RBM20: variants seen among roughly 807,000 people sequenced by gnomAD.
RBM20 encodes RNA-binding protein 20.
A neutral mutation model predicts 110.1 loss-of-function variants in RBM20; 51 were observed. That is an observed-to-expected ratio of 0.46 (90% CI 0.37 to 0.59). The LOEUF is 0.59. RBM20 is among the 20% of genes least tolerant of loss of function. The pLI, the probability that RBM20 is intolerant of heterozygous loss-of-function variation, is 0.00. For synonymous variants in RBM20, 589 were observed against 618.2 expected, an observed-to-expected ratio of 0.95 and a Z score of 0.70; for missense variants, 1,512 against 1,574.9, an observed-to-expected ratio of 0.96 and a Z score of 0.68.
At chr10:110,734,619 T>TTA (rs1564829249) in intron 1 of RBM20, among the ~76,000 whole-genome samples, 2 of 80,936 alleles carry the variant, frequency 2.5e-5, no homozygotes, top group African/African-American at 6.7e-5. Context: ...AAATTCCCTC[T>TTA]TTTTTTTTTT....
At chr10:110,711,543 G>C (rs1227830439) in intron 1 of RBM20, among the ~76,000 whole-genome samples, 1 of 152,104 alleles carries the variant, frequency 6.6e-6, no homozygotes, top group Non-Finnish European at 1.5e-5. Flanking sequence ...CTGGATAATT[G>C]CAAGTGACTG....
chr10:110,673,551 T>A (rs1216029888), intron 1 of RBM20, among the ~76,000 whole-genome samples: 1 of 152,236 alleles, frequency 6.6e-6, no homozygotes, highest in Non-Finnish European at 1.5e-5. Flanking sequence ...TGTTTACTCC[T>A]GCTAGCTGTG....
At chr10:110,802,464 C>G (rs1844640907) in intron 7 of RBM20, among the ~76,000 whole-genome samples, 1 of 149,982 alleles carries the variant, frequency 6.7e-6, no homozygotes, top group African/African-American at 2.4e-5. Flanking sequence ...TATATCCAAC[C>G]AAAGTTCCTG....
chr10:110,696,300 C>A (rs146232584), intron 1 of RBM20, among the ~76,000 whole-genome samples: 1 of 152,194 alleles, frequency 6.6e-6, no homozygotes, highest in African/African-American at 2.4e-5. Flanking sequence ...ACTTCTTACC[C>A]AGGACTCAGC....
chr10:110,815,820 C>T (rs965933431), intron 9 of RBM20, among the ~76,000 whole-genome samples: 3 of 152,202 alleles, frequency 2.0e-5, no homozygotes, highest in Non-Finnish European at 4.4e-5. Context: ...AATTTCCCCA[C>T]AGTTCTGTCC....
At chr10:110,700,328 A>G (rs1564819275) in intron 1 of RBM20, among the ~76,000 whole-genome samples, 3 of 152,200 alleles carry the variant, frequency 2.0e-5, no homozygotes, top group African/African-American at 7.2e-5. Flanking sequence ...ATAATAGGAT[A>G]CAGAGACCTA....
At chr10:110,756,460 G>C (rs1013284716) in intron 1 of RBM20, 1 of 152,390 alleles carries the variant, frequency 6.6e-6, no homozygotes, top group Admixed American at 6.5e-5. Flanking sequence ...GAGGATGGCT[G>C]TGAAAGTGAT....
chr10:110,760,278 C>T (rs1843978839), intron 1 of RBM20, among the ~76,000 whole-genome samples: 1 of 152,158 alleles, frequency 6.6e-6, no homozygotes, highest in Admixed American at 6.5e-5. Context: ...GTGCATTGCC[C>T]TTACTCTTAG....
intron 1 of RBM20, among the ~76,000 whole-genome samples, chr10:110,740,803 G>T (rs1843717399): frequency 6.6e-6 from 1 of 152,160 alleles, no homozygotes; most frequent in South Asian, 2.1e-4. Flanking sequence ...AGGGGGTGTT[G>T]TCCAGCAGAT....
At position 110,680,878 on chromosome 10, in the gene RBM20, C is replaced by T. The variant is rs531716860; in HGVS notation, c.191+36233C>T. 3.9e-4 allele frequency among the ~76,000 whole-genome samples: 60 copies of T among 152,298 alleles called. No homozygotes were observed. The South Asian group carries it at 0.012, about 31-fold the overall frequency. ...ATTTCCTTCCTGTTTCTCTCGTGTGCTCCCCTCTCCCCACTCATTTCCATT... is the reference window on the plus strand; with the variant it reads ...ATTTCCTTCCTGTTTCTCTCGTGTGTTCCCCTCTCCCCACTCATTTCCATT... On this transcript the variant is annotated intron_variant, in intron 1 of 13. Coordinates refer to ENST00000369519, the MANE Select transcript of RBM20 (RefSeq NM_001134363.3).
At chr10:110,738,472 C>T (rs1843694382) in intron 1 of RBM20, among the ~76,000 whole-genome samples, 1 of 152,184 alleles carries the variant, frequency 6.6e-6, no homozygotes, top group African/African-American at 2.4e-5. Context: ...TTTCTCCCAG[C>T]AAAGTCAGGC....
intron 5 of RBM20, among the ~76,000 whole-genome samples, chr10:110,791,449 C>T (rs573418994): frequency 3.9e-5 from 6 of 152,196 alleles, no homozygotes; most frequent in African/African-American, 9.7e-5. Context: ...CATATTTTTA[C>T]GGCAACTCTA....
chr10:110,703,723 T>C (rs1359234273), intron 1 of RBM20, among the ~76,000 whole-genome samples: 3 of 152,266 alleles, frequency 2.0e-5, no homozygotes, highest in Non-Finnish European at 2.9e-5. Context: ...CTTTGCCTTT[T>C]ACAACCACAT....
chr10:110,810,586 C>A, intron 8 of RBM20, 124 bp downstream of exon 8: 1 of 611,564 alleles, frequency 1.6e-6, no homozygotes. Flanking sequence ...CATCCATCTG[C>A]TTTTCTGGGT....
intron 1 of RBM20, among the ~76,000 whole-genome samples, chr10:110,660,841 A>G (rs1354035026): frequency 6.6e-6 from 1 of 152,192 alleles, no homozygotes. Flanking sequence ...AATCATCCCT[A>G]AACCATCCCT....
At chr10:110,769,829 C>T (rs1033720199) in intron 1 of RBM20, among the ~76,000 whole-genome samples, 39 of 151,902 alleles carry the variant, frequency 2.6e-4, no homozygotes, top group Non-Finnish European at 5.4e-4. Flanking sequence ...AGTGATCGTC[C>T]CACCTGAGCC....
chr10:110,648,020 G>A (rs1426877349), intron 1 of RBM20, among the ~76,000 whole-genome samples: 1 of 152,156 alleles, frequency 6.6e-6, no homozygotes, highest in African/African-American at 2.4e-5. Context: ...TTGATTTGCA[G>A]CAAAATATTC....
chr10:110,796,281 G>A (rs976021855), intron 5 of RBM20, among the ~76,000 whole-genome samples: 1 of 152,142 alleles, frequency 6.6e-6, no homozygotes, highest in African/African-American at 2.4e-5. Flanking sequence ...TATTCTTTAA[G>A]CATTTTTTAT....
Position 110,703,801 on chromosome 10 carries a change from G to A in RBM20, c.191+59156G>A, listed in dbSNP as rs1014685477. ...TGTTCTCCATTTCTAAAATTTTGTCGTTTTTAAAATGTTATATAAATGAAA... is the reference window on the plus strand; with the variant it reads ...TGTTCTCCATTTCTAAAATTTTGTCATTTTTAAAATGTTATATAAATGAAA... On this transcript the variant is annotated intron_variant, in intron 1 of 13. Coordinates refer to ENST00000369519, the MANE Select transcript of RBM20 (RefSeq NM_001134363.3). 2.5e-4 allele frequency among the ~76,000 whole-genome samples: 38 copies of A among 152,248 alleles called. 1 individual carries two copies. The highest frequency in any genetic ancestry group is 2.3e-3 in the Admixed American group (35 of 15,282).
Sources: gnomAD v4.1 joint callset for allele counts (sites outside exome capture counted in the v4.1 genomes callset) on GRCh38, gnomAD v4.1.1 for gene constraint, MANE v1.5 for transcripts, NCBI Gene and HGNC (gene_info 2026-07-23, HGNC 2026-07-21) for gene names.